Variants in BARX1 observed in about 807,000 individuals in gnomAD.
BARX1 encodes the protein homeobox protein BarH-like 1.
BARX1 carries 10 observed loss-of-function variants against 19.6 expected under a neutral mutation model. The observed-to-expected ratio is 0.51, with a 90% CI of 0.31 to 0.86. The LOEUF (loss-of-function observed/expected upper bound fraction) is 0.86, where lower values mean the gene tolerates loss of function less well. Ranked by LOEUF, BARX1 falls within the 40% of genes least tolerant of loss-of-function variation. The pLI is 0.04. For missense variants in BARX1, 309 were observed against 360.4 expected (o/e 0.86, Z 1.15); for synonymous variants, 177 against 170.0 (o/e 1.04, Z -0.32).
chr9:93,953,854 T>C (rs1829129436), intron 1 of BARX1, among the ~76,000 whole-genome samples: 1 of 152,220 alleles, frequency 6.6e-6, no homozygotes, highest in South Asian at 2.1e-4. Context: ...AGACGAAAGG[T>C]AGCCGAATGG....
intron 1 of BARX1, chr9:93,953,480 T>G (rs1206071235): frequency 2.3e-6 from 1 of 436,782 alleles, no homozygotes; most frequent in Non-Finnish European, 4.0e-6. Flanking sequence ...TGTTTGCAGC[T>G]GCGAGAAACT....
chr9:93,953,987 C>T (rs1195269317), intron 1 of BARX1, among the ~76,000 whole-genome samples: 2 of 152,176 alleles, frequency 1.3e-5, no homozygotes, highest in Admixed American at 6.5e-5. Flanking sequence ...CCGGCTACAG[C>T]GTAGGAGCCT....
chr9:93,953,076 G>C lies in BARX1; in HGVS notation c.335C>G (p.Ala112Gly). The change falls in exon 2 of 4, where the codon GCG becomes GGG. Residue 112 changes from alanine (A) to glycine (G), a missense_variant. Physicochemically the swap from Ala to Gly is moderately conservative, Grantham distance 60 (BLOSUM62 0). This residue lies in a region of BARX1 where 204 missense variants were observed against 206.8 expected (regional missense o/e 0.99). Coordinates refer to ENST00000253968, the MANE Select transcript of BARX1 (RefSeq NM_021570.4). ...CTCGAGCGGCAGGTGTGGCGCACCCGCGGCGCCGGGCAGCCCGGGCCCTGC... is the reference window on the plus strand; with the variant it reads ...CTCGAGCGGCAGGTGTGGCGCACCCCCGGCGCCGGGCAGCCCGGGCCCTGC... Reference protein sequence around the residue: ...LAAGPGLPGAAGAPHLPLELQ... With the variant: ...LAAGPGLPGAGGAPHLPLELQ... 6.4e-7 allele frequency: 1 copy of C among 1,556,084 alleles called. No homozygotes were observed. The highest frequency in any genetic ancestry group is 8.7e-7 in the Non-Finnish European group (1 of 1,150,816).
rs372672997 is a variant in BARX1 at position 93,952,339 on chromosome 9, G to T, written c.601-11C>A. ...GCCGCCCTGCAGCACCTGCACGGGG[G>T]ACCGCCAGCACCTGGGTGAGCCAGC... On this transcript the variant is annotated splice_polypyrimidine_tract_variant and intron_variant, in intron 3 of 3. Transcript: ENST00000253968. The T allele has an allele frequency of 2.5e-6, 4 of 1,603,488 alleles. No homozygotes were observed. The highest frequency in any genetic ancestry group is 8.5e-7 in the Non-Finnish European group (1 of 1,178,776).
At chr9:93,952,349 A>G in intron 3 of BARX1, 21 bp from the exon 4 acceptor site, 1 of 1,600,328 alleles carries the variant, frequency 6.2e-7, no homozygotes, top group Middle Eastern at 1.7e-4. Context: ...GACCGCCAGC[A>G]CCTGGGTGAG....
intron 3 of BARX1, 152 bp from the exon 4 acceptor site, chr9:93,952,480 G>A: frequency 7.8e-7 from 1 of 1,286,740 alleles, no homozygotes; most frequent in Non-Finnish European, 1.0e-6. Context: ...TTGTCCAAAT[G>A]CCGCCTGGGG....
chr9:93,952,570 A>G (rs928183958), intron 3 of BARX1, among the ~76,000 whole-genome samples, 159 bp downstream of exon 3: 1 of 152,190 alleles, frequency 6.6e-6, no homozygotes, highest in Non-Finnish European at 1.5e-5. Flanking sequence ...GGCTTACCCA[A>G]GGGGCAGAAA....
chr9:93,955,124 C>T lies in BARX1; in HGVS notation c.23G>A (p.Gly8Asp). The T allele has an allele frequency of 8.3e-7, 1 of 1,200,626 alleles. No individual in the cohort carries two copies. The highest frequency in any genetic ancestry group is 1.0e-6 in the Non-Finnish European group (1 of 971,588). The allele number at this position is 1,200,626 out of a possible 1,614,324, so 74.4% of individuals were successfully genotyped here. Reference protein sequence around the residue: MQRPGEPGAARFGPPEGC... With the variant: MQRPGEPDAARFGPPEGC... ...CTCGGGCGGGCCGAAGCGCGCGGCGCCCGGCTCCCCCGGCCGCTGCATCGC... is the reference window on the plus strand; with the variant it reads ...CTCGGGCGGGCCGAAGCGCGCGGCGTCCGGCTCCCCCGGCCGCTGCATCGC... The change falls in exon 1 of 4, where the codon GGC (glycine) becomes GAC (aspartate). Residue 8 changes from glycine to aspartate, a missense_variant. By Grantham distance (94) the Gly-to-Asp change is moderately conservative (BLOSUM62 -1). This residue lies in a region of BARX1 where 204 missense variants were observed against 206.8 expected (regional missense o/e 0.99). Coordinates refer to ENST00000253968, the MANE Select transcript of BARX1 (RefSeq NM_021570.4). This position sits in a 1 kb window ranked among gnomAD's most constrained non-coding sequence, Gnocchi z 4.4.
chr9:93,952,366 C>A (rs1351230334), intron 3 of BARX1, 38 bp from the exon 4 acceptor site: 2 of 1,591,082 alleles, frequency 1.3e-6, no homozygotes, highest in Non-Finnish European at 1.7e-6. Flanking sequence ...TGAGCCAGCA[C>A]GTGGACTGGG....
chr9:93,951,867 C>A lies in BARX1; in HGVS notation c.*297G>T, dbSNP rs1160597601. 5.3e-6 allele frequency: 2 copies of A among 374,928 alleles called. No homozygotes were observed. Among genetic ancestry groups the A allele is most frequent in the Non-Finnish European group, 9.8e-6 (2 of 204,664 alleles). 23.2% of individuals were successfully genotyped at this position (374,928 alleles called of 1,614,324 possible). A position where few individuals can be genotyped will look rare whatever the true frequency, so the allele number is the denominator to read the frequency against. On this transcript the variant is annotated 3_prime_UTR_variant, in exon 4 of 4. Transcript: ENST00000253968. Reference sequence around the variant, plus strand: ...ACGGGGTGGGGGTGCAGGCGAGGAGCGGGGCGTGAATACGCGTGGAGCGCT... The same window carrying A: ...ACGGGGTGGGGGTGCAGGCGAGGAGAGGGGCGTGAATACGCGTGGAGCGCT...
rs976507271 is a variant in BARX1, at chr9:93,951,846, G to A, written c.*318C>T. Reference sequence around the variant, plus strand: ...GGCCGGGAGGGCAGGCCCCAGACGGGGTGGGGGTGCAGGCGAGGAGCGGGG... The same window carrying A: ...GGCCGGGAGGGCAGGCCCCAGACGGAGTGGGGGTGCAGGCGAGGAGCGGGG... On this transcript the variant is annotated 3_prime_UTR_variant, in exon 4 of 4. Transcript: ENST00000253968. 2.2e-5 allele frequency: 7 copies of A among 311,900 alleles called. No individual in the cohort carries two copies. The highest frequency in any genetic ancestry group is 4.2e-5 in the Non-Finnish European group (7 of 166,416). 19.3% of individuals were successfully genotyped at this position (311,900 alleles called of 1,614,324 possible).
intron 3 of BARX1, 38 bp from the exon 4 acceptor site, chr9:93,952,366 C>T: frequency 6.3e-7 from 1 of 1,591,082 alleles, no homozygotes; most frequent in Non-Finnish European, 8.5e-7. Context: ...TGAGCCAGCA[C>T]GTGGACTGGG....
chr9:93,953,237 T>C, intron 1 of BARX1, 50 bp from the exon 2 acceptor site: 4 of 1,442,306 alleles, frequency 2.8e-6, no homozygotes, highest in Non-Finnish European at 3.6e-6. Flanking sequence ...CGCGCTCCTC[T>C]GCCCCAGGGA....
chr9:93,952,670 G>T, intron 3 of BARX1, 59 bp downstream of exon 3: 1 of 1,532,312 alleles, frequency 6.5e-7, no homozygotes, highest in Non-Finnish European at 9.0e-7. Context: ...GAGCAGCTCT[G>T]CATGCACCGG....
rs1829107351 is a variant in BARX1 at position 93,952,033 on chromosome 9, C to T, written c.*131G>A. 8.2e-7 allele frequency: 1 copy of T among 1,218,080 alleles called. No individual in the cohort carries two copies. The highest frequency in any genetic ancestry group is 1.5e-5 in the African/African-American group (1 of 65,814). The allele number at this position is 1,218,080 out of a possible 1,614,324, so 75.5% of individuals were successfully genotyped here. On this transcript the variant is annotated 3_prime_UTR_variant, in exon 4 of 4. Transcript: ENST00000253968. ...TTCCTCGTTTGGCCCCAATTGTCCG[C>T]ATTCAAGATCATAATAAAAAGGCTT...
intron 1 of BARX1, 97 bp from the exon 2 acceptor site, chr9:93,953,284 G>A: frequency 7.4e-7 from 1 of 1,349,980 alleles, no homozygotes. Flanking sequence ...CTCGCGCTTG[G>A]CCAGTGCCTC....
At chr9:93,954,903 C>T (rs1026534066) in intron 1 of BARX1, 21 bp downstream of exon 1, 26 of 1,295,302 alleles carry the variant, frequency 2.0e-5, no homozygotes, top group Middle Eastern at 3.0e-4. Flanking sequence ...CGGCCCGCGA[C>T]CCCGCGGCCG....
intron 1 of BARX1, among the ~76,000 whole-genome samples, chr9:93,953,870 T>A (rs750252375): frequency 1.3e-5 from 2 of 152,094 alleles, no homozygotes; most frequent in Non-Finnish European, 2.9e-5. Context: ...AATGGCCGAG[T>A]CCCAGCTGGA....
rs1446338057 is a variant in BARX1, at chr9:93,951,889, C to G, written c.*275G>C. On this transcript the variant is annotated 3_prime_UTR_variant, in exon 4 of 4. Transcript: ENST00000253968. ...GAGCGGGGCGTGAATACGCGTGGAG[C>G]GCTCTGCGCCACGGAGCTCAGGGTA... is the stretch of plus-strand genomic sequence containing the variant. 4.4e-6 allele frequency: 2 copies of G among 459,208 alleles called. No homozygotes were observed. Among genetic ancestry groups the G allele is most frequent in the Non-Finnish European group, 7.9e-6 (2 of 254,766 alleles). 28.4% of individuals were successfully genotyped at this position (459,208 alleles called of 1,614,324 possible). A position where few individuals can be genotyped will look rare whatever the true frequency, so the allele number is the denominator to read the frequency against.
Sources: gnomAD v4.1 joint callset for allele counts (sites outside exome capture counted in the v4.1 genomes callset) on GRCh38, gnomAD v4.1.1 for gene constraint, gnomAD v4.1.1 regional missense constraint, Gnocchi (gnomAD v3.1) non-coding constraint, MANE v1.5 for transcripts, NCBI Gene and HGNC (gene_info 2026-07-23, HGNC 2026-07-21) for gene names.